Variants in ZFHX3 observed in about 807,000 individuals in gnomAD.
ZFHX3 encodes the protein zinc finger homeobox 3, also known as zinc finger homeobox protein 3.
ZFHX3 carries 42 observed loss-of-function variants against 279.1 expected under a neutral mutation model. The ratio of observed to expected loss-of-function variants is 0.15; its 90% CI spans 0.12 to 0.19. The LOEUF (loss-of-function observed/expected upper bound fraction) is 0.19, where lower values mean the gene tolerates loss of function less well. Among genes scored for constraint, ZFHX3 ranks in the 10% least tolerant of loss-of-function variants. The probability of loss-of-function intolerance (pLI) is 1.00; values close to 1 mark genes in which losing one functional copy is unlikely to be tolerated. For missense variants in ZFHX3, 4,981 were observed against 4,754.0 expected (o/e 1.05, Z -1.40); for synonymous variants, 2,293 against 1,957.8 (o/e 1.17, Z -4.52).
intron 5 of ZFHX3, among the ~76,000 whole-genome samples, chr16:73,193,892 A>G (rs1968092402): frequency 6.6e-6 from 1 of 152,226 alleles, no homozygotes; most frequent in South Asian, 2.1e-4. Flanking sequence ...GCCCTGGCAC[A>G]TGGTATACAC....
At chr16:73,718,614 A>T (rs61000798) in intron 1 of ZFHX3, among the ~76,000 whole-genome samples, 11,658 of 50,646 alleles carry the variant, frequency 0.23, 726 homozygotes, top group Non-Finnish European at 0.26. Flanking sequence ...TTTATTTATT[A>T]TTTATTTATT....
At chr16:73,111,814 G>A (rs1196878910) in intron 7 of ZFHX3, among the ~76,000 whole-genome samples, 1 of 152,104 alleles carries the variant, frequency 6.6e-6, no homozygotes, top group Non-Finnish European at 1.5e-5. Flanking sequence ...CTAAACCCTT[G>A]CCATATATGC....
At chr16:73,567,955 C>G (rs1208658171) in intron 2 of ZFHX3, among the ~76,000 whole-genome samples, 1 of 152,128 alleles carries the variant, frequency 6.6e-6, no homozygotes, top group Admixed American at 6.6e-5. Context: ...GCTGTTCCTT[C>G]AAACAGAAAA....
At chr16:73,459,317 C>T (rs542088075) in intron 2 of ZFHX3, among the ~76,000 whole-genome samples, 14 of 152,178 alleles carry the variant, frequency 9.2e-5, no homozygotes, top group Admixed American at 5.2e-4. Context: ...TAAAGAACTG[C>T]CTGAGACTAG....
At chr16:73,736,326 A>G (rs938627278) in intron 1 of ZFHX3, among the ~76,000 whole-genome samples, 2 of 152,138 alleles carry the variant, frequency 1.3e-5, no homozygotes, top group African/African-American at 4.8e-5. Context: ...CCAAACTTCC[A>G]GCTCCCACAA....
At chr16:73,596,570 G>A (rs1430071217) in intron 2 of ZFHX3, among the ~76,000 whole-genome samples, 1 of 152,004 alleles carries the variant, frequency 6.6e-6, no homozygotes, top group African/African-American at 2.4e-5. Flanking sequence ...CAAACATGTT[G>A]CCCAGGGCAA....
At chr16:73,474,304 C>A (rs1335668354) in intron 2 of ZFHX3, among the ~76,000 whole-genome samples, 2 of 151,952 alleles carry the variant, frequency 1.3e-5, no homozygotes, top group Non-Finnish European at 2.9e-5. Context: ...TGTGCCACCA[C>A]GCCCAGCTAA....
chr16:73,300,264 TAAAA>T (rs36110201), intron 4 of ZFHX3, among the ~76,000 whole-genome samples: 66 of 124,054 alleles, frequency 5.3e-4, no homozygotes, highest in Middle Eastern at 4.2e-3. Flanking sequence ...CTCTGTCTCT[TAAAA>T]AAAAAAAAAA....
At chr16:73,733,042 T>G (rs2053582263) in intron 1 of ZFHX3, among the ~76,000 whole-genome samples, 1 of 152,212 alleles carries the variant, frequency 6.6e-6, no homozygotes, top group African/African-American at 2.4e-5. Flanking sequence ...TGATGCTTTT[T>G]TACTGTGTAA....
intron 1 of ZFHX3, among the ~76,000 whole-genome samples, chr16:73,728,387 C>T (rs2053540036): frequency 6.6e-6 from 1 of 152,174 alleles, no homozygotes; most frequent in Non-Finnish European, 1.5e-5. Context: ...GCAACTGGCA[C>T]TAACTAATAT....
chr16:72,897,420 T>C (rs114145777), intron 3 of ZFHX3, among the ~76,000 whole-genome samples: 1,825 of 150,370 alleles, frequency 0.012, 41 homozygotes, highest in African/African-American at 0.042. Context: ...TTACTGTGGG[T>C]GCGGCATCTA....
intron 1 of ZFHX3, among the ~76,000 whole-genome samples, chr16:73,792,158 A>G (rs1959843429): frequency 6.6e-6 from 1 of 152,254 alleles, no homozygotes; most frequent in African/African-American, 2.4e-5. Context: ...ATCATGATGC[A>G]TTTAATACGC....
chr16:73,484,251 A>T lies in ZFHX3; in HGVS notation c.-1546-27993T>A, dbSNP rs73600827. Among the ~76,000 whole-genome samples the T allele has an allele frequency of 5.2e-3, 785 of 152,242 alleles. 5 individuals carry two copies. The highest frequency in any genetic ancestry group is 0.018 in the African/African-American group (742 of 41,538). ...TCCGTATTGTAAGGGTGCAGAGAAC[A>T]TCTCTTCCTGGAGCATAGCTGGGCT... On this transcript the variant is annotated intron_variant, in intron 2 of 17. Transcript: ENST00000641206.
At chr16:72,887,517 A>G (rs935746783) in intron 4 of ZFHX3, among the ~76,000 whole-genome samples, 3 of 151,936 alleles carry the variant, frequency 2.0e-5, no homozygotes, top group Non-Finnish European at 4.4e-5. Context: ...CTGAGTGTGG[A>G]GGGAGCTGGG....
intron 1 of ZFHX3, among the ~76,000 whole-genome samples, chr16:73,705,729 C>T (rs1442335607): frequency 6.6e-6 from 1 of 152,154 alleles, no homozygotes; most frequent in African/African-American, 2.4e-5. Context: ...TCTCTCCACT[C>T]CACAAATCAT....
chr16:73,511,003 T>A (rs1193534068), intron 2 of ZFHX3, among the ~76,000 whole-genome samples: 2 of 152,212 alleles, frequency 1.3e-5, no homozygotes, highest in African/African-American at 2.4e-5. Flanking sequence ...GGCTTTGCCT[T>A]TGGATGTGCC....
At chr16:73,179,277 G>A (rs1967737164) in intron 5 of ZFHX3, among the ~76,000 whole-genome samples, 1 of 152,110 alleles carries the variant, frequency 6.6e-6, no homozygotes, top group African/African-American at 2.4e-5. Flanking sequence ...CCTGTCCTCT[G>A]ACATCAAACC....
chr16:73,625,284 A>G (rs1297998148), intron 2 of ZFHX3, among the ~76,000 whole-genome samples: 1 of 152,228 alleles, frequency 6.6e-6, no homozygotes, highest in Non-Finnish European at 1.5e-5. Context: ...ATAATTCAGA[A>G]TAATAAAAAA....
At chr16:73,608,822 A>T (rs568154784) in intron 2 of ZFHX3, 6 of 152,296 alleles carry the variant, frequency 3.9e-5, no homozygotes, top group African/African-American at 1.4e-4. Context: ...AGGTATTTTT[A>T]AAAAAACAAC....
Sources: gnomAD v4.1 joint callset for allele counts (sites outside exome capture counted in the v4.1 genomes callset) on GRCh38, gnomAD v4.1.1 for gene constraint, MANE v1.5 for transcripts, NCBI Gene and HGNC (gene_info 2026-07-23, HGNC 2026-07-21) for gene names.